Variants in CTNNA3 observed in about 807,000 individuals in gnomAD.
CTNNA3 encodes the protein catenin alpha 3.
CTNNA3 carries 76 observed loss-of-function variants against 95.7 expected under a neutral mutation model. The observed-to-expected ratio is 0.79, with a 90% CI of 0.66 to 0.96. The LOEUF (loss-of-function observed/expected upper bound fraction) is 0.96. CTNNA3 is among the 40% of genes least tolerant of loss of function. CTNNA3 has a pLI of 0.00. For missense variants in CTNNA3, 1,191 were observed against 1,089.8 expected (o/e 1.09, Z -1.31); for synonymous variants, 431 against 374.4 (o/e 1.15, Z -1.74).
At chr10:66,540,667 T>C (rs1045951696) in intron 10 of CTNNA3, among the ~76,000 whole-genome samples, 1 of 98,216 alleles carries the variant, frequency 1.0e-5, no homozygotes, top group African/African-American at 3.9e-5. Context: ...CTTTCTCCCT[T>C]TCTTCCTTTC....
At chr10:67,092,379 A>T (rs997318451) in intron 7 of CTNNA3, among the ~76,000 whole-genome samples, 1 of 151,992 alleles carries the variant, frequency 6.6e-6, no homozygotes, top group Non-Finnish European at 1.5e-5. Context: ...AATTCTAGAG[A>T]AGGAAAACAT....
chr10:67,272,272 C>T (rs1438394844), intron 5 of CTNNA3, among the ~76,000 whole-genome samples: 2 of 152,118 alleles, frequency 1.3e-5, no homozygotes, highest in African/African-American at 4.8e-5. Flanking sequence ...TCCATTAAGG[C>T]TGGGCACGGT....
At chr10:66,795,937 A>G (rs908677645) in intron 7 of CTNNA3, among the ~76,000 whole-genome samples, 1 of 152,110 alleles carries the variant, frequency 6.6e-6, no homozygotes, top group Admixed American at 6.6e-5. Flanking sequence ...CAGCTTTCAT[A>G]AAATCAGACA....
chr10:66,206,129 G>A (rs1041752557), intron 13 of CTNNA3, among the ~76,000 whole-genome samples: 2 of 151,868 alleles, frequency 1.3e-5, no homozygotes, highest in African/African-American at 4.8e-5. Flanking sequence ...TTTACTAGGT[G>A]TGCTCTAAAT....
At chr10:67,640,611 A>C (rs1390462384) in intron 2 of CTNNA3, among the ~76,000 whole-genome samples, 1 of 152,186 alleles carries the variant, frequency 6.6e-6, no homozygotes, top group East Asian at 1.9e-4. Context: ...ACTATACTAC[A>C]AGACTACAGT....
intron 6 of CTNNA3, among the ~76,000 whole-genome samples, chr10:67,207,092 T>C (rs555533550): frequency 1.3e-5 from 2 of 152,150 alleles, no homozygotes; most frequent in Admixed American, 1.3e-4. Flanking sequence ...GATCGCACCA[T>C]TGCACTCCAG....
chr10:67,312,185 G>T (rs1840839386), intron 5 of CTNNA3, among the ~76,000 whole-genome samples: 1 of 150,774 alleles, frequency 6.6e-6, no homozygotes, highest in South Asian at 2.1e-4. Context: ...CAATTCTCCT[G>T]CCTTAGATTT....
At chr10:66,006,697 T>C (rs2078894114) in intron 15 of CTNNA3, among the ~76,000 whole-genome samples, 1 of 152,168 alleles carries the variant, frequency 6.6e-6, no homozygotes, top group African/African-American at 2.4e-5. Context: ...CCCCTGCTCC[T>C]TTCATATCAG....
At chr10:66,848,304 G>C (rs949976748) in intron 7 of CTNNA3, among the ~76,000 whole-genome samples, 2 of 152,142 alleles carry the variant, frequency 1.3e-5, no homozygotes, top group African/African-American at 4.8e-5. Flanking sequence ...GCAAGTTCAA[G>C]TTTGCCTATA....
intron 4 of CTNNA3, among the ~76,000 whole-genome samples, chr10:67,530,868 C>G (rs1840303141): frequency 6.6e-6 from 1 of 152,174 alleles, no homozygotes; most frequent in South Asian, 2.1e-4. Flanking sequence ...TGTGTGCAGC[C>G]TAGGGACTTG....
intron 12 of CTNNA3, among the ~76,000 whole-genome samples, chr10:66,348,715 C>G (rs939288796): frequency 2.0e-5 from 3 of 152,072 alleles, no homozygotes; most frequent in African/African-American, 7.2e-5. Context: ...CCATTATAGT[C>G]TGTAGGTTTT....
intron 5 of CTNNA3, among the ~76,000 whole-genome samples, chr10:67,494,241 G>C (rs1038843896): frequency 6.6e-6 from 1 of 152,092 alleles, no homozygotes; most frequent in Non-Finnish European, 1.5e-5. Flanking sequence ...GATAATTAGA[G>C]CTATTTAACT....
intron 7 of CTNNA3, among the ~76,000 whole-genome samples, chr10:66,850,906 T>G (rs1251819157): frequency 6.6e-6 from 1 of 152,174 alleles, no homozygotes; most frequent in Non-Finnish European, 1.5e-5. Flanking sequence ...ACATTGCCAT[T>G]GTAGCAACAA....
At chr10:66,085,691 A>C (rs2080955671) in intron 14 of CTNNA3, among the ~76,000 whole-genome samples, 1 of 152,164 alleles carries the variant, frequency 6.6e-6, no homozygotes, top group East Asian at 1.9e-4. Flanking sequence ...ATCATTTTTT[A>C]TATTTATTCT....
intron 15 of CTNNA3, among the ~76,000 whole-genome samples, chr10:66,024,457 G>A (rs2079297517): frequency 6.6e-6 from 1 of 152,130 alleles, no homozygotes; most frequent in African/African-American, 2.4e-5. Context: ...ATTGATAATG[G>A]TTTGAAAATG....
At chr10:67,725,468 C>T (rs960677152) in intron 1 of CTNNA3, among the ~76,000 whole-genome samples, 6 of 152,120 alleles carry the variant, frequency 3.9e-5, no homozygotes, top group Admixed American at 2.0e-4. Context: ...TGAGCCACTG[C>T]GCCCGGCCTT....
At chr10:66,507,239 A>G (rs561845555) in intron 11 of CTNNA3, among the ~76,000 whole-genome samples, 1 of 152,270 alleles carries the variant, frequency 6.6e-6, no homozygotes, top group African/African-American at 2.4e-5. Context: ...ACACATAATA[A>G]GTGAAACATA....
chr10:66,271,426 G>T (rs945719720), intron 13 of CTNNA3, among the ~76,000 whole-genome samples: 4 of 152,114 alleles, frequency 2.6e-5, no homozygotes, highest in African/African-American at 7.2e-5. Flanking sequence ...ATAAAAACAA[G>T]TTTTTGTACC....
chr10:67,434,570 C>A (rs1368920491), intron 5 of CTNNA3, among the ~76,000 whole-genome samples: 1 of 151,824 alleles, frequency 6.6e-6, no homozygotes, highest in Non-Finnish European at 1.5e-5. Context: ...GCTATATATC[C>A]ATATATGTGT....
Sources: allele counts gnomAD v4.1 joint callset (sites outside exome capture counted in the v4.1 genomes callset), GRCh38; gene constraint gnomAD v4.1.1; transcripts MANE v1.5; gene names NCBI Gene and HGNC (gene_info 2026-07-23, HGNC 2026-07-21).